Variants in CDH12 observed in about 807,000 individuals in gnomAD.
CDH12 encodes cadherin-12.
A neutral mutation model predicts 74.1 loss-of-function variants in CDH12; 41 were observed. The observed-to-expected ratio is 0.55, with a 90% CI of 0.43 to 0.72. The LOEUF (loss-of-function observed/expected upper bound fraction) is 0.72. Among genes scored for constraint, CDH12 ranks in the 30% least tolerant of loss-of-function variants. The probability of loss-of-function intolerance (pLI) is 0.00; values close to 1 mark genes in which losing one functional copy is unlikely to be tolerated. For missense variants in CDH12, 945 were observed against 977.2 expected (o/e 0.97, Z 0.44); for synonymous variants, 399 against 355.0 (o/e 1.12, Z -1.39).
chr5:22,531,767 A>G lies in CDH12; in HGVS notation c.-522-26403T>C, dbSNP rs138839280. On this transcript the variant is annotated intron_variant, in intron 1 of 14. Coordinates refer to ENST00000382254, the MANE Select transcript of CDH12 (RefSeq NM_004061.5). ...AAATGGAGGCAACTGGTACCTTCCA[A>G]TGTAAGGAAACACACTGGTGTAAAA... Among the ~76,000 whole-genome samples, 256 of 152,282 alleles carry G rather than the reference A, an allele frequency of 1.7e-3. 2 individuals are homozygous for G. In the East Asian group the frequency reaches 0.019, roughly 11 times the overall value.
chr5:22,542,691 G>A (rs1738160347), intron 1 of CDH12, among the ~76,000 whole-genome samples: 1 of 152,036 alleles, frequency 6.6e-6, no homozygotes, highest in Admixed American at 6.6e-5. Context: ...AGGTGCAAGA[G>A]CAATGAAGCA....
At chr5:22,136,338 GA>G (rs932675838) in intron 4 of CDH12, among the ~76,000 whole-genome samples, 15 of 151,602 alleles carry the variant, frequency 9.9e-5, no homozygotes, top group African/African-American at 3.6e-4. Context: ...GAACTTGCTG[GA>G]AAAAAACACA....
At chr5:22,240,162 C>T (rs1476393828) in intron 3 of CDH12, among the ~76,000 whole-genome samples, 1 of 152,064 alleles carries the variant, frequency 6.6e-6, no homozygotes, top group Non-Finnish European at 1.5e-5. Flanking sequence ...ATTCTTTTTG[C>T]AATACTTAGA....
At chr5:21,994,193 C>T (rs1253094950) in intron 5 of CDH12, among the ~76,000 whole-genome samples, 4 of 151,940 alleles carry the variant, frequency 2.6e-5, no homozygotes, top group South Asian at 4.2e-4. Flanking sequence ...AGAGTAGTTG[C>T]TTCATTACTC....
intron 3 of CDH12, among the ~76,000 whole-genome samples, chr5:22,352,922 CA>C (rs1413145070): frequency 6.6e-6 from 1 of 152,066 alleles, no homozygotes; most frequent in Non-Finnish European, 1.5e-5. Context: ...TATAATAATG[CA>C]ACATAAAGCA....
chr5:22,654,194 TTTCTTTTC>T (rs1266644319), intron 1 of CDH12, among the ~76,000 whole-genome samples: 1 of 151,162 alleles, frequency 6.6e-6, no homozygotes, highest in African/African-American at 2.4e-5. Context: ...TCTTTCTTTC[TTTCTTTTC>T]TTTCTTTCTT....
At chr5:22,133,492 T>G (rs544213609) in intron 4 of CDH12, among the ~76,000 whole-genome samples, 1 of 152,228 alleles carries the variant, frequency 6.6e-6, no homozygotes, top group South Asian at 2.1e-4. Flanking sequence ...AAGATAAAAC[T>G]TAGACTCATA....
chr5:22,778,811 A>G lies in CDH12; in HGVS notation c.-523+74247T>C, dbSNP rs183919605. 4.9e-3 allele frequency among the ~76,000 whole-genome samples: 749 copies of G among 152,178 alleles called. 4 individuals are homozygous for G. Among genetic ancestry groups the G allele is most frequent in the Middle Eastern group, 0.017 (5 of 294 alleles). The stretch of plus-strand genomic sequence containing the variant: ...TAAAAAGAATGAAAATTCAAAAACT[A>G]AAGTCCTTAAGAGTACATTCCTAAA... On this transcript the variant is annotated intron_variant, in intron 1 of 14. Transcript: ENST00000382254.
At chr5:22,550,396 AC>A (rs1212966001) in intron 1 of CDH12, among the ~76,000 whole-genome samples, 2 of 152,128 alleles carry the variant, frequency 1.3e-5, no homozygotes, top group African/African-American at 4.8e-5. Flanking sequence ...TGACTCAGAA[AC>A]CCTATTTTCC....
chr5:21,915,821 G>GCT lies in CDH12; in HGVS notation c.526+59268_526+59269dup, dbSNP rs1422244817. Among the ~76,000 whole-genome samples, 551 of 64,352 alleles carry GCT rather than the reference G, an allele frequency of 8.6e-3. 4 individuals are homozygous for GCT. The highest frequency in any genetic ancestry group is 9.5e-3 in the Non-Finnish European group (293 of 30,720). The allele number at this position is 64,352 out of a possible 152,430, so 42.2% of individuals were successfully genotyped here. A position where few individuals can be genotyped will look rare whatever the true frequency, so the allele number is the denominator to read the frequency against. ...GGTACACCAGTTTCTGATCATTTGTGCTGTGTGTGTGTGTGTGTGTGTGTG... is the reference window on the plus strand; with the variant it reads ...GGTACACCAGTTTCTGATCATTTGTGCTCTGTGTGTGTGTGTGTGTGTGTGTG... On this transcript the variant is annotated intron_variant, in intron 6 of 14. Transcript: ENST00000382254.
At chr5:22,059,325 C>T (rs1211271639) in intron 5 of CDH12, among the ~76,000 whole-genome samples, 2 of 147,740 alleles carry the variant, frequency 1.4e-5, no homozygotes, top group East Asian at 2.0e-4. Flanking sequence ...ATCCATCTAT[C>T]GTCTATCTAT....
At chr5:22,769,601 C>A (rs1368119206) in intron 1 of CDH12, among the ~76,000 whole-genome samples, 1 of 152,032 alleles carries the variant, frequency 6.6e-6, no homozygotes, top group Non-Finnish European at 1.5e-5. Context: ...CCTTAATAAA[C>A]TCCCCTTCAT....
At chr5:21,860,478 T>G (rs192465975) in intron 6 of CDH12, among the ~76,000 whole-genome samples, 1 of 152,036 alleles carries the variant, frequency 6.6e-6, no homozygotes, top group East Asian at 1.9e-4. Context: ...CTTGATTAGA[T>G]TGAAGGATGC....
intron 6 of CDH12, among the ~76,000 whole-genome samples, chr5:21,946,334 A>G (rs1430768569): frequency 6.6e-6 from 1 of 152,236 alleles, no homozygotes; most frequent in Non-Finnish European, 1.5e-5. Flanking sequence ...CTAAATGGGT[A>G]AAATTAAGCA....
At chr5:21,796,454 G>C (rs1746785023) in intron 10 of CDH12, among the ~76,000 whole-genome samples, 1 of 151,976 alleles carries the variant, frequency 6.6e-6, no homozygotes, top group African/African-American at 2.4e-5. Context: ...TCACACCATT[G>C]CAAAGTGAAA....
At chr5:22,315,422 A>G (rs1738590616) in intron 3 of CDH12, among the ~76,000 whole-genome samples, 1 of 152,140 alleles carries the variant, frequency 6.6e-6, no homozygotes, top group Non-Finnish European at 1.5e-5. Context: ...TTCTATAAAT[A>G]AGAAACGAGA....
intron 3 of CDH12, among the ~76,000 whole-genome samples, chr5:22,270,868 G>T (rs747628290): frequency 6.6e-6 from 1 of 151,820 alleles, no homozygotes; most frequent in African/African-American, 2.4e-5. Flanking sequence ...TACAGATAGG[G>T]TTTCACCATG....
chr5:22,201,604 C>T (rs1193275671), intron 4 of CDH12, among the ~76,000 whole-genome samples: 9 of 151,962 alleles, frequency 5.9e-5, no homozygotes, highest in African/African-American at 2.2e-4. Flanking sequence ...CACTAAAATG[C>T]CAGACTTCAC....
chr5:22,340,441 G>A (rs150595087), intron 3 of CDH12, among the ~76,000 whole-genome samples: 140 of 151,778 alleles, frequency 9.2e-4, no homozygotes, highest in Non-Finnish European at 1.4e-3. Flanking sequence ...GCAGGAGAAT[G>A]GTGTGAACCC....
Sources: allele counts gnomAD v4.1 joint callset (sites outside exome capture counted in the v4.1 genomes callset), GRCh38; gene constraint gnomAD v4.1.1; transcripts MANE v1.5; gene names NCBI Gene and HGNC (gene_info 2026-07-23, HGNC 2026-07-21).